The following ANLN variants were observed in gnomAD, a reference collection of about 807,000 sequenced individuals.
ANLN encodes the protein anillin, actin binding protein.
Under a neutral mutation model 135.1 loss-of-function variants are expected in ANLN, and 59 were observed. That is an observed-to-expected ratio of 0.44 (90% CI 0.35 to 0.54). ANLN has a LOEUF of 0.54. Ranked by LOEUF, ANLN falls within the 20% of genes least tolerant of loss-of-function variation. The probability of loss-of-function intolerance (pLI) is 0.00; values close to 1 mark genes in which losing one functional copy is unlikely to be tolerated. For missense variants in ANLN, 1,182 were observed against 1,340.0 expected (o/e 0.88, Z 1.84); for synonymous variants, 406 against 456.4 (o/e 0.89, Z 1.41).
At chr7:36,437,285 G>C (rs1788584409) in intron 20 of ANLN, among the ~76,000 whole-genome samples, 2 of 152,188 alleles carry the variant, frequency 1.3e-5, no homozygotes, top group African/African-American at 4.8e-5. Context: ...GAGTCGTGTA[G>C]TGTTTGTCTT....
chr7:36,392,362 A>T (rs1282550924), intron 1 of ANLN, among the ~76,000 whole-genome samples: 2 of 152,150 alleles, frequency 1.3e-5, no homozygotes, highest in South Asian at 2.1e-4. Flanking sequence ...TGTGTTAAAG[A>T]AGGCAAGGAA....
At chr7:36,447,288 CTT>C (rs1461152530) in intron 22 of ANLN, among the ~76,000 whole-genome samples, 6 of 152,058 alleles carry the variant, frequency 3.9e-5, no homozygotes, top group African/African-American at 9.7e-5. Context: ...AAGTTGAAGA[CTT>C]TCACCTTTTC....
chr7:36,394,572 G>A (rs971736697), intron 1 of ANLN, among the ~76,000 whole-genome samples: 8 of 151,770 alleles, frequency 5.3e-5, no homozygotes, highest in Non-Finnish European at 2.9e-5. Flanking sequence ...TTTTTTCAGT[G>A]ATTAGAGCAT....
intron 1 of ANLN, among the ~76,000 whole-genome samples, chr7:36,394,234 T>C (rs1408871903): frequency 6.6e-6 from 1 of 152,226 alleles, no homozygotes; most frequent in African/African-American, 2.4e-5. Context: ...GTCAGTCTTA[T>C]GATCTCTATT....
intron 13 of ANLN, among the ~76,000 whole-genome samples, chr7:36,422,347 G>A (rs1291694807): frequency 6.6e-6 from 1 of 151,884 alleles, no homozygotes; most frequent in Non-Finnish European, 1.5e-5. Flanking sequence ...AACAACTTCT[G>A]TGAATTTTGC....
intron 20 of ANLN, 57 bp from the exon 21 acceptor site, chr7:36,439,147 C>G: frequency 1.0e-6 from 1 of 962,912 alleles, no homozygotes; most frequent in East Asian, 2.4e-5. Context: ...CATGATTTAT[C>G]AAGAAAAATC....
intron 23 of ANLN, among the ~76,000 whole-genome samples, chr7:36,451,535 C>T (rs2116843543): frequency 6.6e-6 from 1 of 152,296 alleles, no homozygotes. Context: ...TTTTATTAGC[C>T]TCTTGAACCA....
chr7:36,413,951 A>G (rs1260270357), intron 7 of ANLN, among the ~76,000 whole-genome samples: 1 of 151,780 alleles, frequency 6.6e-6, no homozygotes, highest in African/African-American at 2.4e-5. Context: ...CCGAGATCGC[A>G]CCACTGCACT....
chr7:36,424,491 A>T, intron 15 of ANLN, 54 bp from the exon 16 acceptor site: 1 of 1,377,394 alleles, frequency 7.3e-7, no homozygotes, highest in Non-Finnish European at 1.0e-6. Context: ...ATCATTTTTA[A>T]TGGTGTGATT....
intron 9 of ANLN, among the ~76,000 whole-genome samples, chr7:36,418,534 G>A (rs954868965): frequency 6.6e-6 from 1 of 152,084 alleles, no homozygotes; most frequent in Non-Finnish European, 1.5e-5. Context: ...GGTTATTATC[G>A]AACCCTGCCC....
At position 36,419,489 on chromosome 7, in the gene ANLN, G is replaced by T; in HGVS notation, c.1869+10G>T. 1.9e-6 allele frequency: 3 copies of T among 1,609,158 alleles called. No homozygotes were observed. The African/African-American group carries it at 4.0e-5, about 21-fold the overall frequency. ...TGTGGTAAGTCCAGAGGTAAGAAAA[G>T]GCTAACTAAACAGGCCCAGGACATA... On this transcript the variant is annotated intron_variant, in intron 10 of 23. Coordinates refer to ENST00000265748, the MANE Select transcript of ANLN (RefSeq NM_018685.5).
chr7:36,421,771 C>CA (rs1164249398), intron 12 of ANLN, 86 bp from the exon 13 acceptor site: 1 of 1,253,506 alleles, frequency 8.0e-7, no homozygotes, highest in Non-Finnish European at 1.1e-6. Context: ...AGAAACTATC[C>CA]AATCAAGTTA....
intron 5 of ANLN, among the ~76,000 whole-genome samples, 154 bp from the exon 6 acceptor site, chr7:36,410,360 A>T (rs1787360296): frequency 6.6e-6 from 1 of 152,062 alleles, no homozygotes; most frequent in Admixed American, 6.5e-5. Context: ...ACTTTTTAAA[A>T]TTTTGAAGTA....
At position 36,406,361 on chromosome 7, in the gene ANLN, A is replaced by G. The variant is rs1440358867; in HGVS notation, c.668A>G (p.Gln223Arg). The change falls in exon 4 of 24, where the codon CAA becomes CGA. Residue 223 changes from glutamine to arginine, a missense_variant. Physicochemically the swap from Gln to Arg is conservative, Grantham distance 43 (BLOSUM62 1). Transcript: ENST00000265748. Reference protein sequence around the residue: ...EDDVNHSFAKQNSVQEQPGTA... With the variant: ...EDDVNHSFAKRNSVQEQPGTA... ...GATGTAAATCACTCATTTGCAAAAC[A>G]AAACAGTGTACAAGAACAGCCTGGT... The G allele has an allele frequency of 6.2e-7, 1 of 1,614,176 alleles. No individual in the cohort carries two copies. Among genetic ancestry groups the G allele is most frequent in the South Asian group, 1.1e-5 (1 of 91,086 alleles).
At chr7:36,440,605 T>TAA (rs1044527073) in intron 21 of ANLN, among the ~76,000 whole-genome samples, 3 of 152,098 alleles carry the variant, frequency 2.0e-5, no homozygotes, top group African/African-American at 7.2e-5. Flanking sequence ...TAAGCGGCTT[T>TAA]AAATGTAGAT....
At position 36,417,131 on chromosome 7, in the gene ANLN, T is replaced by A; in HGVS notation, c.1574T>A (p.Phe525Tyr). Residue 525 changes from phenylalanine (F) to tyrosine (Y), a missense_variant, in exon 9 of 24, where the codon TTT becomes TAT. Around this residue, in one of 3 missense-constraint regions of ANLN, gnomAD observed 1,022 missense variants for 1,134.0 expected, o/e 0.90. Transcript: ENST00000265748. ...TCTAGCCCTTTGAAAATAACATTGT[T>A]TTTAGAAGAGGACAAATCCTTAAAA... Reference protein sequence around the residue: ...TKSSPLKITLFLEEDKSLKVT... With the variant: ...TKSSPLKITLYLEEDKSLKVT... 1 of 1,609,952 alleles carries A rather than the reference T, an allele frequency of 6.2e-7. No individual in the cohort carries two copies. Among genetic ancestry groups the A allele is most frequent in the Non-Finnish European group, 8.5e-7 (1 of 1,178,558 alleles).
intron 20 of ANLN, among the ~76,000 whole-genome samples, chr7:36,431,597 GTA>G (rs1281791693): frequency 0.011 from 311 of 27,426 alleles, 5 homozygotes; most frequent in African/African-American, 0.025. Context: ...GTGTGTGTGT[GTA>G]TATATATATA....
intron 20 of ANLN, among the ~76,000 whole-genome samples, chr7:36,427,650 G>A (rs78002584): frequency 0.11 from 16,144 of 152,126 alleles, 992 homozygotes; most frequent in East Asian, 0.22. Flanking sequence ...CACCTTGCCC[G>A]GCCAGCCTAT....
intron 21 of ANLN, among the ~76,000 whole-genome samples, chr7:36,441,256 TG>T (rs1788759433): frequency 6.6e-6 from 1 of 152,228 alleles, no homozygotes; most frequent in Admixed American, 6.5e-5. Context: ...GTTTTTTAGA[TG>T]GGCTCTTAAC....
Sources: allele counts gnomAD v4.1 joint callset (sites outside exome capture counted in the v4.1 genomes callset), GRCh38; gene constraint gnomAD v4.1.1; regional missense constraint gnomAD v4.1.1; transcripts MANE v1.5; gene names NCBI Gene and HGNC (gene_info 2026-07-23, HGNC 2026-07-21).